Variants in PTPRT observed in about 807,000 individuals in gnomAD.
PTPRT encodes the protein protein tyrosine phosphatase receptor type T.
Under a neutral mutation model 176.8 loss-of-function variants are expected in PTPRT, and 56 were observed. The ratio of observed to expected loss-of-function variants is 0.32; its 90% confidence interval spans 0.26 to 0.40. PTPRT has a LOEUF of 0.40. Ranked by LOEUF, PTPRT falls within the 10% of genes least tolerant of loss-of-function variation. PTPRT has a pLI of 1.00. For missense variants in PTPRT, 1,540 were observed against 1,908.2 expected (o/e 0.81, Z 3.60); for synonymous variants, 783 against 739.0 (o/e 1.06, Z -0.96).
At chr20:42,389,295 T>C (rs1308197604) in intron 9 of PTPRT, among the ~76,000 whole-genome samples, 1 of 151,948 alleles carries the variant, frequency 6.6e-6, no homozygotes, top group Non-Finnish European at 1.5e-5. Context: ...AAACGTGATA[T>C]AGGGTCTTAT....
chr20:42,916,155 C>T (rs1306462094), intron 1 of PTPRT, among the ~76,000 whole-genome samples: 1 of 143,054 alleles, frequency 7.0e-6, no homozygotes, highest in African/African-American at 2.6e-5. Flanking sequence ...TGATGTTCCC[C>T]TTCCTGTGTC....
At chr20:42,876,895 C>T (rs567507061) in intron 2 of PTPRT, among the ~76,000 whole-genome samples, 44 of 152,054 alleles carry the variant, frequency 2.9e-4, no homozygotes, top group African/African-American at 9.9e-4. Flanking sequence ...GAGGTAAGCG[C>T]TGTGAGGGGA....
chr20:42,706,828 AGAATGTTACCTTATTTG>A (rs1410597900), intron 6 of PTPRT, among the ~76,000 whole-genome samples: 1 of 152,214 alleles, frequency 6.6e-6, no homozygotes, highest in East Asian at 1.9e-4. Flanking sequence ...TCAGTACCTC[AGAATGTTACCTTATTTG>A]GAAATAGGGT....
intron 7 of PTPRT, among the ~76,000 whole-genome samples, chr20:42,505,629 G>A (rs1355663639): frequency 6.6e-6 from 1 of 152,088 alleles, no homozygotes; most frequent in Non-Finnish European, 1.5e-5. Flanking sequence ...TAAATAGCCA[G>A]GTGACAAATT....
intron 15 of PTPRT, among the ~76,000 whole-genome samples, chr20:42,215,938 C>A (rs533882071): frequency 6.6e-6 from 1 of 152,316 alleles, no homozygotes; most frequent in East Asian, 1.9e-4. Context: ...AAGGCCTCAC[C>A]CTTTAGATGC....
intron 1 of PTPRT, among the ~76,000 whole-genome samples, chr20:42,923,466 A>G (rs1979285930): frequency 6.6e-6 from 1 of 152,220 alleles, no homozygotes; most frequent in South Asian, 2.1e-4. Context: ...AGGCCTCCTG[A>G]CAGGAAATGT....
At chr20:42,936,216 G>A (rs375750635) in intron 1 of PTPRT, among the ~76,000 whole-genome samples, 1 of 152,338 alleles carries the variant, frequency 6.6e-6, no homozygotes, top group African/African-American at 2.4e-5. Flanking sequence ...GGGAAGGGGT[G>A]GGGGCACAGG....
intron 8 of PTPRT, among the ~76,000 whole-genome samples, chr20:42,456,547 T>C (rs1457757054): frequency 6.6e-6 from 1 of 152,068 alleles, no homozygotes. Flanking sequence ...CATACAAGAA[T>C]ATTTTGTTTT....
chr20:42,096,430 C>T (rs889436453), intron 27 of PTPRT, among the ~76,000 whole-genome samples: 2 of 152,152 alleles, frequency 1.3e-5, no homozygotes, highest in East Asian at 1.9e-4. Context: ...TGGTGAAACC[C>T]CATCTCTACT....
chr20:42,883,076 G>A (rs1280588771), intron 2 of PTPRT, among the ~76,000 whole-genome samples: 1 of 152,226 alleles, frequency 6.6e-6, no homozygotes, highest in Non-Finnish European at 1.5e-5. Context: ...GACCACAACA[G>A]GGCTTTGGTC....
At chr20:42,115,527 T>C (rs1455895616) in intron 21 of PTPRT, among the ~76,000 whole-genome samples, 1 of 152,200 alleles carries the variant, frequency 6.6e-6, no homozygotes, top group East Asian at 1.9e-4. Context: ...CTGGAGCCAT[T>C]AGAAATAATT....
chr20:43,110,236 A>G (rs945700462), intron 1 of PTPRT, among the ~76,000 whole-genome samples: 9 of 152,170 alleles, frequency 5.9e-5, no homozygotes. Context: ...GGTTCTTTTT[A>G]ATACCCAGAG....
At chr20:42,401,256 C>T (rs952026860) in intron 9 of PTPRT, among the ~76,000 whole-genome samples, 1 of 152,086 alleles carries the variant, frequency 6.6e-6, no homozygotes, top group Non-Finnish European at 1.5e-5. Context: ...ATTTATCCCC[C>T]TTTTCCCTCA....
intron 2 of PTPRT, among the ~76,000 whole-genome samples, chr20:42,847,310 G>T (rs1020615983): frequency 6.6e-6 from 1 of 152,096 alleles, no homozygotes; most frequent in Admixed American, 6.5e-5. Flanking sequence ...CAAGACACAC[G>T]GCTGGCCCAT....
chr20:42,047,826 GA>G, the PTPRT span, among the ~76,000 whole-genome samples: 1 of 152,136 alleles, frequency 6.6e-6, no homozygotes, highest in Non-Finnish European at 1.5e-5. Flanking sequence ...AAGGAGGCAG[GA>G]CTTCATATTT....
At chr20:43,072,265 C>T (rs1204729605) in intron 1 of PTPRT, among the ~76,000 whole-genome samples, 2 of 152,170 alleles carry the variant, frequency 1.3e-5, no homozygotes, top group Non-Finnish European at 2.9e-5. Flanking sequence ...TATAATAGTG[C>T]AAAGATGTAA....
chr20:42,608,116 T>G (rs558539974), intron 7 of PTPRT, among the ~76,000 whole-genome samples: 2 of 152,226 alleles, frequency 1.3e-5, no homozygotes, highest in East Asian at 3.9e-4. Flanking sequence ...AGGGTAGACT[T>G]GCATCCAGAC....
At chr20:42,483,977 T>C (rs2071428048) in intron 7 of PTPRT, among the ~76,000 whole-genome samples, 1 of 152,218 alleles carries the variant, frequency 6.6e-6, no homozygotes, top group South Asian at 2.1e-4. Context: ...TCACAGCATT[T>C]GGATCTAGCT....
intron 26 of PTPRT, 91 bp from the exon 27 acceptor site, chr20:42,098,643 A>G (rs1985541024): frequency 2.6e-6 from 4 of 1,522,658 alleles, no homozygotes; most frequent in Non-Finnish European, 3.6e-6. Flanking sequence ...CAGAGGCTCC[A>G]GAGCCTGCCA....
Sources: allele counts gnomAD v4.1 joint callset (sites outside exome capture counted in the v4.1 genomes callset), GRCh38; gene constraint gnomAD v4.1.1; transcripts MANE v1.5; gene names NCBI Gene and HGNC (gene_info 2026-07-23, HGNC 2026-07-21).